Variants in TIMP2 observed in about 807,000 individuals in gnomAD.
The protein encoded by TIMP2 is TIMP metallopeptidase inhibitor 2, also known as metalloproteinase inhibitor 2.
TIMP2 carries 5 observed loss-of-function variants against 24.3 expected under a neutral mutation model. The observed-to-expected ratio is 0.21, with a 90% CI of 0.11 to 0.43. The LOEUF (loss-of-function observed/expected upper bound fraction) is 0.43. Among genes scored for constraint, TIMP2 ranks in the 20% least tolerant of loss-of-function variants. The probability of loss-of-function intolerance (pLI) is 1.00; values close to 1 mark genes in which losing one functional copy is unlikely to be tolerated. For missense variants in TIMP2, 221 were observed against 297.5 expected (o/e 0.74, Z 1.89); for synonymous variants, 130 against 123.2 (o/e 1.06, Z -0.37).
chr17:78,893,214 T>G lies in TIMP2; in HGVS notation c.131-19295A>C, dbSNP rs1288683622. ...GTGTGTGCAAGGATGTGTGTGCATG[T>G]GTGTGCAGGGGTGTGTGTGCATGTG... On this transcript the variant is annotated intron_variant, in intron 1 of 4. Transcript: ENST00000262768. 8.6e-4 allele frequency among the ~76,000 whole-genome samples: 114 copies of G among 132,966 alleles called. 2 individuals are homozygous for G. Among genetic ancestry groups the G allele is most frequent in the African/African-American group, 3.1e-3 (106 of 33,730 alleles). The allele number at this position is 132,966 out of a possible 152,430, so 87.2% of individuals were successfully genotyped here.
rs2070338233 is a variant in TIMP2, at chr17:78,924,961, A to G, written c.128T>C (p.Val43Ala). Reference protein sequence around the residue: ...HPQQAFCNADVVIRAKAVSEK... With the variant: ...HPQQAFCNADAVIRAKAVSEK... ...GGGCTGGGGTCGCCGCTCCTTACCT[A>G]CATCTGCATTGCAAAACGCCTGTTG... Residue 43 changes from valine (V) to alanine (A), a missense_variant and splice_region_variant, in exon 1 of 5, where the codon GTA becomes GCA. By Grantham distance (64) the Val-to-Ala change is moderately conservative. Transcript: ENST00000262768. The surrounding 1 kb of genome is among the most constrained non-coding windows in gnomAD (Gnocchi z 5.3). 1.6e-6 allele frequency: 2 copies of G among 1,285,414 alleles called. No homozygotes were observed. Among genetic ancestry groups the G allele is most frequent in the African/African-American group, 1.6e-5 (1 of 63,752 alleles). 79.6% of individuals were successfully genotyped at this position (1,285,414 alleles called of 1,614,324 possible).
chr17:78,907,824 A>G lies in TIMP2; in HGVS notation c.130+17135T>C, dbSNP rs546184139. Among the ~76,000 whole-genome samples the G allele has an allele frequency of 3.3e-5, 5 of 152,284 alleles. No individual in the cohort carries two copies. The East Asian group carries it at 5.8e-4, about 18-fold the overall frequency. On this transcript the variant is annotated intron_variant, in intron 1 of 4. Coordinates refer to ENST00000262768, the MANE Select transcript of TIMP2 (RefSeq NM_003255.5). ...AATACACCCTTGCCAAAGAAAGTCTAATGTCCCCTCATGTGTCCAAACGTT... is the reference window on the plus strand; with the variant it reads ...AATACACCCTTGCCAAAGAAAGTCTGATGTCCCCTCATGTGTCCAAACGTT...
rs2070338208 is a variant in TIMP2, at chr17:78,924,953, C to G, written c.130+6G>C. On this transcript the variant is annotated splice_donor_region_variant and intron_variant, in intron 1 of 4. Coordinates refer to ENST00000262768, the MANE Select transcript of TIMP2 (RefSeq NM_003255.5). The surrounding 1 kb of genome is among the most constrained non-coding windows in gnomAD (Gnocchi z 5.3). ...CCGCGCGGGGGCTGGGGTCGCCGCT[C>G]CTTACCTACATCTGCATTGCAAAAC... is the stretch of plus-strand genomic sequence containing the variant. 1.0e-5 allele frequency: 13 copies of G among 1,273,874 alleles called. No homozygotes were observed. Among genetic ancestry groups the G allele is most frequent in the African/African-American group, 1.6e-5 (1 of 63,718 alleles). The allele number at this position is 1,273,874 out of a possible 1,614,324, so 78.9% of individuals were successfully genotyped here.
rs373804430 is a variant in TIMP2 at position 78,855,778 on chromosome 17, G to A, written c.552C>T (p.Asn184=). ...AGGCGAAGAACTTGGCCTGGTGCCC[G>A]TTGATGTTCTTCTCTGTGACCCAGT... The part of the protein sequence containing the change: ...WMDWVTEKNI[N]GHQAKFFACI... The change falls in exon 5 of 5, where the codon AAC becomes AAT. Residue 184 remains asparagine (N), a synonymous_variant. Coordinates refer to ENST00000262768, the MANE Select transcript of TIMP2 (RefSeq NM_003255.5). The surrounding 1 kb of genome is among the most constrained non-coding windows in gnomAD (Gnocchi z 6.0). 5.1e-5 allele frequency: 83 copies of A among 1,614,064 alleles called. No homozygotes were observed. The highest frequency in any genetic ancestry group is 3.0e-4 in the South Asian group (27 of 91,090).
chr17:78,921,728 C>G (rs1478798199), intron 1 of TIMP2, among the ~76,000 whole-genome samples: 1 of 152,190 alleles, frequency 6.6e-6, no homozygotes, highest in African/African-American at 2.4e-5. Context: ...AGGACAAGGA[C>G]CTGGGGCCTT....
intron 1 of TIMP2, among the ~76,000 whole-genome samples, chr17:78,902,103 G>A (rs942366793): frequency 2.6e-5 from 4 of 152,262 alleles, no homozygotes; most frequent in Non-Finnish European, 5.9e-5. Context: ...GCGGGGGGAC[G>A]GGGGTCCCAA....
rs1249197730 is a variant in TIMP2 at position 78,924,775 on chromosome 17, G to A, written c.130+184C>T. Reference sequence around the variant, plus strand: ...GCAAAGAGAGGGAAAGAAAGGGAGAGGAGGGAGGGGGGAAAGAAAGTCGGC... The same window carrying A: ...GCAAAGAGAGGGAAAGAAAGGGAGAAGAGGGAGGGGGGAAAGAAAGTCGGC... On this transcript the variant is annotated intron_variant, in intron 1 of 4. Coordinates refer to ENST00000262768, the MANE Select transcript of TIMP2 (RefSeq NM_003255.5). The surrounding 1 kb of genome is among the most constrained non-coding windows in gnomAD (Gnocchi z 5.3). Among the ~76,000 whole-genome samples the A allele has an allele frequency of 1.3e-5, 2 of 152,092 alleles. No individual in the cohort carries two copies. The highest frequency in any genetic ancestry group is 3.9e-4 in the East Asian group (2 of 5,166).
chr17:78,890,203 C>CTTTT (rs879844069), intron 1 of TIMP2, among the ~76,000 whole-genome samples: 1 of 134,308 alleles, frequency 7.4e-6, no homozygotes, highest in Non-Finnish European at 1.6e-5. Flanking sequence ...TGACAGATTG[C>CTTTT]TTTTTTTTTT....
intron 1 of TIMP2, among the ~76,000 whole-genome samples, chr17:78,887,141 C>T (rs1473409846): frequency 2.0e-5 from 3 of 152,216 alleles, no homozygotes; most frequent in East Asian, 1.9e-4. Flanking sequence ...ACTCCCGCCC[C>T]GTCCAAATGA....
At chr17:78,894,694 C>T (rs368461694) in intron 1 of TIMP2, among the ~76,000 whole-genome samples, 3 of 151,952 alleles carry the variant, frequency 2.0e-5, no homozygotes, top group African/African-American at 7.3e-5. Context: ...CAACTATAAA[C>T]GCTTAGAAGA....
chr17:78,916,416 C>T (rs2070258485), intron 1 of TIMP2, among the ~76,000 whole-genome samples: 1 of 152,206 alleles, frequency 6.6e-6, no homozygotes. Context: ...TCAAATCCCT[C>T]TCGCCGAGAC....
intron 1 of TIMP2, among the ~76,000 whole-genome samples, chr17:78,918,054 G>A (rs1350517557): frequency 1.5e-5 from 1 of 67,216 alleles, no homozygotes; most frequent in Non-Finnish European, 3.3e-5. Context: ...ACACGTACGC[G>A]TGCACACACA....
At chr17:78,895,056 G>A (rs8073514) in intron 1 of TIMP2, among the ~76,000 whole-genome samples, 11,317 of 152,050 alleles carry the variant, frequency 0.074, 1,334 homozygotes, top group African/African-American at 0.25. Context: ...TGAGGCGGGC[G>A]GATCACTTGA....
At chr17:78,890,968 TCTC>T in intron 1 of TIMP2, 1 of 1,551,176 alleles carries the variant, frequency 6.4e-7, no homozygotes, top group South Asian at 1.2e-5. Context: ...GTTTTTGTCT[TCTC>T]TGCTCCATCT....
intron 1 of TIMP2, among the ~76,000 whole-genome samples, chr17:78,883,438 AAACGCCTGGAATGAC>A (rs1353267214): frequency 6.6e-6 from 1 of 152,186 alleles, no homozygotes; most frequent in Non-Finnish European, 1.5e-5. Flanking sequence ...CCAGGGTGAA[AAACGCCTGGAATGAC>A]AACTACTCAG....
intron 1 of TIMP2, 122 bp from the exon 2 acceptor site, chr17:78,874,041 C>A (rs1007388478): frequency 2.5e-6 from 2 of 794,374 alleles, no homozygotes; most frequent in Admixed American, 2.3e-5. Context: ...CAGCAAGGTG[C>A]GAGACGGGCA....
At position 78,853,102 on chromosome 17, in the gene TIMP2, A is replaced by T. The variant is rs2069497487; in HGVS notation, c.*2565T>A. ...AACTCTTGTGTGTTCCCAGCACCGG[A>T]AGGTCTCAGACTTCATATTCCAGCA... On this transcript the variant is annotated 3_prime_UTR_variant, in exon 5 of 5. Transcript: ENST00000262768. 6.6e-6 allele frequency: 1 copy of T among 152,618 alleles called. No homozygotes were observed. The highest frequency in any genetic ancestry group is 1.5e-5 in the Non-Finnish European group (1 of 68,048). The allele number at this position is 152,618 out of a possible 1,614,324, so 9.5% of individuals were successfully genotyped here.
At chr17:78,885,994 G>A (rs1204124227) in intron 1 of TIMP2, among the ~76,000 whole-genome samples, 1 of 152,198 alleles carries the variant, frequency 6.6e-6, no homozygotes, top group Non-Finnish European at 1.5e-5. Context: ...ATCTCCGTAA[G>A]AATCACTGGA....
intron 1 of TIMP2, among the ~76,000 whole-genome samples, chr17:78,885,221 G>A (rs577679360): frequency 5.9e-5 from 9 of 152,346 alleles, no homozygotes; most frequent in South Asian, 2.1e-4. Context: ...AGATGGGGCC[G>A]GAGGACGAAG....
Sources: gnomAD v4.1 joint callset for allele counts (sites outside exome capture counted in the v4.1 genomes callset) on GRCh38, gnomAD v4.1.1 for gene constraint, Gnocchi (gnomAD v3.1) non-coding constraint, MANE v1.5 for transcripts, NCBI Gene and HGNC (gene_info 2026-07-23, HGNC 2026-07-21) for gene names.